The following MIS18A variants were observed in gnomAD, a reference collection of about 807,000 sequenced individuals.
The protein encoded by MIS18A is protein Mis18-alpha.
Under a neutral mutation model 25.0 loss-of-function variants are expected in MIS18A, and 14 were observed. The observed-to-expected ratio is 0.56, with a 90% CI of 0.37 to 0.88. The LOEUF (loss-of-function observed/expected upper bound fraction) is 0.88. Ranked by LOEUF, MIS18A falls within the 40% of genes least tolerant of loss-of-function variation. The probability of loss-of-function intolerance (pLI) is 0.00; values close to 1 mark genes in which losing one functional copy is unlikely to be tolerated. For missense variants in MIS18A, 292 were observed against 290.8 expected, an observed-to-expected ratio of 1.00 and a Z score of -0.03; for synonymous variants, 134 against 118.6, an observed-to-expected ratio of 1.13 and a Z score of -0.84.
At chr21:32,203,208 A>G in the MIS18A span, among the ~76,000 whole-genome samples, 1 of 152,016 alleles carries the variant, frequency 6.6e-6, no homozygotes, top group African/African-American at 2.4e-5. Context: ...ATTGCTCCAT[A>G]AGGTCAATTA....
chr21:32,248,838 C>A, the MIS18A span, among the ~76,000 whole-genome samples: 3 of 152,200 alleles, frequency 2.0e-5, no homozygotes, highest in Non-Finnish European at 4.4e-5. Flanking sequence ...TTCCCTCCCC[C>A]TTTTGTCTTG....
At chr21:32,265,196 C>T (rs576843413), downstream of MIS18A, among the ~76,000 whole-genome samples, 15 of 152,170 alleles carry the variant, frequency 9.9e-5, no homozygotes, top group Non-Finnish European at 1.6e-4. Flanking sequence ...CGCTTGCTCT[C>T]GGCACCTCCC....
chr21:32,227,274 TAGA>T, the MIS18A span, among the ~76,000 whole-genome samples: 1 of 150,758 alleles, frequency 6.6e-6, no homozygotes, highest in Non-Finnish European at 1.5e-5. Flanking sequence ...AACCAAAAAG[TAGA>T]AGTTGATAAG....
chr21:32,270,679 G>T (rs908412094), intron 2 of MIS18A, 150 bp from the exon 3 acceptor site: 3 of 747,392 alleles, frequency 4.0e-6, no homozygotes, highest in Non-Finnish European at 5.6e-6. Flanking sequence ...AAAAATGATA[G>T]TAAGATATTT....
At chr21:32,246,380 C>A in the MIS18A span, among the ~76,000 whole-genome samples, 68 of 152,266 alleles carry the variant, frequency 4.5e-4, no homozygotes, top group African/African-American at 1.6e-3. Flanking sequence ...CCCCTTCTTC[C>A]CTGGCCTCTG....
chr21:32,229,620 G>A, the MIS18A span, among the ~76,000 whole-genome samples: 2 of 152,176 alleles, frequency 1.3e-5, no homozygotes, highest in Non-Finnish European at 2.9e-5. Flanking sequence ...GCCAAATACA[G>A]AATCAACTCA....
At chr21:32,274,155 C>A (rs1319077191) in intron 2 of MIS18A, among the ~76,000 whole-genome samples, 1 of 150,140 alleles carries the variant, frequency 6.7e-6, no homozygotes, top group Non-Finnish European at 1.5e-5. Context: ...CTAAGGCACC[C>A]TTTAACATTG....
chr21:32,270,262 C>CAA (rs11397095), intron 3 of MIS18A, 145 bp downstream of exon 3: 26,184 of 776,678 alleles, frequency 0.034, 110 homozygotes, highest in African/African-American at 0.077. Flanking sequence ...GAGGTCAAAG[C>CAA]AAAAAAAAAA....
At chr21:32,171,703 G>A in the MIS18A span, among the ~76,000 whole-genome samples, 1 of 152,012 alleles carries the variant, frequency 6.6e-6, no homozygotes, top group Non-Finnish European at 1.5e-5. Flanking sequence ...AAAAGCTACA[G>A]TAAATATACA....
At chr21:32,222,765 A>C in the MIS18A span, among the ~76,000 whole-genome samples, 78,207 of 151,446 alleles carry the variant, frequency 0.52, 21,707 homozygotes, top group African/African-American at 0.73. Flanking sequence ...CCTGTCTCTA[A>C]TAAAAATACA....
At chr21:32,274,145 C>T (rs1177502700) in intron 2 of MIS18A, among the ~76,000 whole-genome samples, 1 of 151,110 alleles carries the variant, frequency 6.6e-6, no homozygotes, top group African/African-American at 2.4e-5. Context: ...CAGCATTAGC[C>T]TAAGGCACCC....
the MIS18A span, among the ~76,000 whole-genome samples, chr21:32,173,291 T>C: frequency 6.6e-6 from 1 of 152,050 alleles, no homozygotes; most frequent in Admixed American, 6.6e-5. Context: ...AAATCGACCA[T>C]AACAAATGGG....
the MIS18A span, among the ~76,000 whole-genome samples, chr21:32,170,113 T>C: frequency 6.6e-6 from 1 of 152,090 alleles, no homozygotes; most frequent in Non-Finnish European, 1.5e-5. Flanking sequence ...TAAAAGAAAC[T>C]GTATCCAAAG....
intron 1 of MIS18A, among the ~76,000 whole-genome samples, chr21:32,277,016 T>C (rs9978237): frequency 6.6e-6 from 1 of 152,146 alleles, no homozygotes; most frequent in Non-Finnish European, 1.5e-5. Flanking sequence ...CAGAACAGAA[T>C]GTAAATGTAC....
the MIS18A span, among the ~76,000 whole-genome samples, chr21:32,192,782 C>A: frequency 6.6e-6 from 1 of 152,222 alleles, no homozygotes; most frequent in Non-Finnish European, 1.5e-5. Flanking sequence ...GCTGAATAAC[C>A]CTCTCGTAGG....
the MIS18A span, chr21:32,259,958 T>C: frequency 4.6e-5 from 7 of 152,236 alleles, no homozygotes; most frequent in African/African-American, 1.2e-4. Flanking sequence ...CCTATTTACC[T>C]GATTAACATT....
At chr21:32,215,446 C>T in the MIS18A span, among the ~76,000 whole-genome samples, 1 of 152,040 alleles carries the variant, frequency 6.6e-6, no homozygotes, top group African/African-American at 2.4e-5. Context: ...GGCTGATTTC[C>T]CAGAAAACAG....
the MIS18A span, among the ~76,000 whole-genome samples, chr21:32,253,308 G>A: frequency 6.6e-6 from 1 of 152,152 alleles, no homozygotes; most frequent in Non-Finnish European, 1.5e-5. Context: ...TACACAGCGG[G>A]CATGCGCAGT....
chr21:32,158,162 T>C, the MIS18A span, among the ~76,000 whole-genome samples: 3 of 152,178 alleles, frequency 2.0e-5, no homozygotes, highest in Admixed American at 6.5e-5. Flanking sequence ...AAAAGGCAGG[T>C]CTTTACTTGT....
Sources: gnomAD v4.1 joint callset for allele counts (sites outside exome capture counted in the v4.1 genomes callset) on GRCh38, gnomAD v4.1.1 for gene constraint, MANE v1.5 for transcripts, NCBI Gene and HGNC (gene_info 2026-07-23, HGNC 2026-07-21) for gene names.